The following CFAP92 variants were observed in gnomAD, a reference collection of about 807,000 sequenced individuals.
CFAP92 encodes uncharacterized protein CFAP92.
In CFAP92, 86 loss-of-function variants were observed where a neutral mutation model predicts 106.3. The observed-to-expected ratio is 0.81, with a 90% CI of 0.68 to 0.97. The LOEUF is 0.97. Ranked by LOEUF, CFAP92 falls within the 50% of genes least tolerant of loss-of-function variation. CFAP92 has a pLI of 0.00. For missense variants in CFAP92, 1,204 were observed against 1,283.8 expected, an observed-to-expected ratio of 0.94 and a Z score of 0.95; for synonymous variants, 477 against 506.4, an observed-to-expected ratio of 0.94 and a Z score of 0.78.
chr3:128,988,234 G>C (rs1390882723), intron 3 of CFAP92, among the ~76,000 whole-genome samples: 4 of 152,144 alleles, frequency 2.6e-5, no homozygotes, highest in African/African-American at 9.7e-5. Context: ...GGAAATTACT[G>C]GGTAAAATAT....
chr3:128,938,179 T>C (rs200523984), intron 10 of CFAP92, among the ~76,000 whole-genome samples: 114 of 149,080 alleles, frequency 7.6e-4, no homozygotes, highest in Admixed American at 7.1e-3. Flanking sequence ...CTGCAGTGAA[T>C]TGTGATCGCA....
chr3:128,981,439 T>C (rs1355428611), intron 4 of CFAP92, among the ~76,000 whole-genome samples: 1 of 152,134 alleles, frequency 6.6e-6, no homozygotes, highest in Admixed American at 6.5e-5. Context: ...CAAGCAATTC[T>C]CTAGCCTCAG....
intron 15 of CFAP92, among the ~76,000 whole-genome samples, chr3:128,914,231 A>G (rs16852247): frequency 0.048 from 7,289 of 152,222 alleles, 361 homozygotes; most frequent in African/African-American, 0.12. Flanking sequence ...TTGTGTTCTT[A>G]GGCTAGACAG....
At chr3:128,947,206 T>C (rs1576473402) in intron 9 of CFAP92, among the ~76,000 whole-genome samples, 1 of 150,106 alleles carries the variant, frequency 6.7e-6, no homozygotes, top group Non-Finnish European at 1.5e-5. Flanking sequence ...AAATAGGGGG[T>C]CCTGAAAACT....
intron 1 of CFAP92, chr3:129,002,259 C>T: frequency 1.3e-6 from 2 of 1,531,144 alleles, no homozygotes; most frequent in Non-Finnish European, 8.7e-7. Flanking sequence ...TAGCAGCTTG[C>T]GCGAGTTGGT....
chr3:128,996,981 C>T (rs973459839), upstream of CFAP92, among the ~76,000 whole-genome samples: 2 of 152,232 alleles, frequency 1.3e-5, no homozygotes, highest in Non-Finnish European at 2.9e-5. Flanking sequence ...GTTGCAAGGC[C>T]TCTTGGGACC....
intron 1 of CFAP92, among the ~76,000 whole-genome samples, chr3:128,999,193 G>A (rs747448268): frequency 1.3e-5 from 2 of 152,046 alleles, no homozygotes; most frequent in Admixed American, 6.5e-5. Flanking sequence ...ACAAAAGAAC[G>A]CAAGGAGACC....
At chr3:128,929,161 C>A (rs1033201949) in intron 12 of CFAP92, among the ~76,000 whole-genome samples, 11 of 152,044 alleles carry the variant, frequency 7.2e-5, no homozygotes, top group Non-Finnish European at 1.3e-4. Flanking sequence ...TTATAAATTC[C>A]TAATAAGCAC....
At chr3:128,961,984 G>A (rs1397820825) in intron 9 of CFAP92, among the ~76,000 whole-genome samples, 2 of 151,680 alleles carry the variant, frequency 1.3e-5, no homozygotes, top group African/African-American at 2.4e-5. Flanking sequence ...CTTGCTACAA[G>A]TGCCAGAAAT....
At chr3:129,006,355 C>A (rs1218689575), upstream of CFAP92, among the ~76,000 whole-genome samples, 1 of 152,220 alleles carries the variant, frequency 6.6e-6, no homozygotes, top group Non-Finnish European at 1.5e-5. Context: ...CTTGCTCTGT[C>A]ACCCAGGCTG....
the CFAP92 span, among the ~76,000 whole-genome samples, chr3:129,023,853 A>G: frequency 1.3e-5 from 2 of 152,306 alleles, no homozygotes; most frequent in East Asian, 3.9e-4. Context: ...CACAGGACAA[A>G]GCTGATAGGA....
At chr3:129,014,153 GC>G in the CFAP92 span, among the ~76,000 whole-genome samples, 3 of 152,250 alleles carry the variant, frequency 2.0e-5, no homozygotes, top group African/African-American at 7.2e-5. The surrounding 1 kb of genome is among the most constrained non-coding windows in gnomAD (Gnocchi z 4.3). Flanking sequence ...CCTAGAGAGG[GC>G]CCATGCTGTC....
chr3:128,946,775 A>AG (rs1940260242), intron 9 of CFAP92, among the ~76,000 whole-genome samples: 1 of 152,214 alleles, frequency 6.6e-6, no homozygotes, highest in Non-Finnish European at 1.5e-5. Flanking sequence ...ATTGAACACG[A>AG]GATCATGGTA....
chr3:128,953,375 C>T (rs1280107691), intron 9 of CFAP92, among the ~76,000 whole-genome samples: 11 of 151,740 alleles, frequency 7.2e-5, no homozygotes, highest in African/African-American at 1.7e-4. Context: ...ATTAGCCGGG[C>T]GTGGTGGTGG....
chr3:129,014,582 C>T, the CFAP92 span, among the ~76,000 whole-genome samples: 1 of 152,336 alleles, frequency 6.6e-6, no homozygotes, highest in African/African-American at 2.4e-5. The surrounding 1 kb of genome is among the most constrained non-coding windows in gnomAD (Gnocchi z 4.3). Flanking sequence ...AAGGTCCCAT[C>T]GCCAAATAAG....
intron 4 of CFAP92, 110 bp downstream of exon 4, chr3:128,987,506 T>C: frequency 1.1e-6 from 1 of 919,818 alleles, no homozygotes; most frequent in Non-Finnish European, 1.7e-6. Context: ...GCAAAACCCG[T>C]GTGTGCACAT....
upstream of CFAP92, among the ~76,000 whole-genome samples, chr3:129,005,201 C>A (rs78595562): frequency 0.035 from 5,276 of 152,298 alleles, 568 homozygotes; most frequent in East Asian, 0.42. Context: ...GCAGGTGAGA[C>A]CTTCACAGGA....
the CFAP92 span, among the ~76,000 whole-genome samples, chr3:129,008,270 C>T: frequency 6.6e-6 from 1 of 152,220 alleles, no homozygotes; most frequent in East Asian, 1.9e-4. Flanking sequence ...TGGCCCCTGG[C>T]CTCATGCAGG....
intron 8 of CFAP92, chr3:128,966,714 GTGCCCGACAACA>G (rs1942393322): frequency 6.6e-6 from 1 of 152,112 alleles, no homozygotes; most frequent in African/African-American, 2.4e-5. Context: ...GGGACTACAG[GTGCCCGACAACA>G]TGCCTGGCTA....
Sources: gnomAD v4.1 joint callset for allele counts (sites outside exome capture counted in the v4.1 genomes callset) on GRCh38, gnomAD v4.1.1 for gene constraint, Gnocchi (gnomAD v3.1) non-coding constraint, MANE v1.5 for transcripts, NCBI Gene and HGNC (gene_info 2026-07-23, HGNC 2026-07-21) for gene names.